The following ORC2 variants were observed in gnomAD, a reference collection of about 807,000 sequenced individuals.
ORC2 encodes origin recognition complex subunit 2.
In ORC2, 37 loss-of-function variants were observed where a neutral mutation model predicts 77.7. The ratio of observed to expected loss-of-function variants is 0.48; its 90% CI spans 0.37 to 0.63. ORC2 has a LOEUF of 0.63. ORC2 is among the 20% of genes least tolerant of loss of function. The pLI is 0.00. For missense variants in ORC2, 557 were observed against 661.9 expected, an observed-to-expected ratio of 0.84 and a Z score of 1.74; for synonymous variants, 201 against 229.5, an observed-to-expected ratio of 0.88 and a Z score of 1.12.
chr2:200,914,130 A>T (rs933003423), intron 15 of ORC2, 138 bp from the exon 16 acceptor site: 1 of 564,706 alleles, frequency 1.8e-6, no homozygotes. Flanking sequence ...GGAATATCAT[A>T]TCCTTGCCTA....
At chr2:200,934,890 G>C (rs1404127032) in intron 9 of ORC2, among the ~76,000 whole-genome samples, 1 of 152,104 alleles carries the variant, frequency 6.6e-6, no homozygotes, top group Non-Finnish European at 1.5e-5. Flanking sequence ...CCTTTAGACA[G>C]AGCACCAGGA....
intron 8 of ORC2, among the ~76,000 whole-genome samples, chr2:200,936,219 C>T (rs746196850): frequency 1.3e-5 from 2 of 152,166 alleles, no homozygotes; most frequent in Non-Finnish European, 2.9e-5. Context: ...GCTAACAGAA[C>T]TCCAATTTTG....
chr2:200,934,494 T>G (rs56063265), intron 9 of ORC2, among the ~76,000 whole-genome samples: 33,656 of 138,750 alleles, frequency 0.24, 4,517 homozygotes, highest in African/African-American at 0.4. Flanking sequence ...TTTTAAATTG[T>G]TTTTTTTTTT....
At chr2:200,926,962 A>G (rs943432153) in intron 11 of ORC2, 62 bp from the exon 12 acceptor site, 7 of 1,495,956 alleles carry the variant, frequency 4.7e-6, no homozygotes, top group Non-Finnish European at 5.6e-6. Context: ...CAATTTTATT[A>G]TCAACCAGTT....
chr2:200,959,770 A>G (rs960416930), intron 1 of ORC2, among the ~76,000 whole-genome samples: 4 of 152,158 alleles, frequency 2.6e-5, no homozygotes, highest in African/African-American at 9.7e-5. Context: ...GTGTATAAAG[A>G]TAATAAATAG....
chr2:200,936,291 C>T (rs1202632758), intron 8 of ORC2, among the ~76,000 whole-genome samples: 2 of 152,182 alleles, frequency 1.3e-5, no homozygotes, highest in Non-Finnish European at 2.9e-5. Flanking sequence ...TTTTCCTCTT[C>T]AAGGTACCTG....
chr2:200,957,588 C>T, intron 3 of ORC2, 44 bp from the exon 4 acceptor site: 1 of 1,367,896 alleles, frequency 7.3e-7, no homozygotes, highest in South Asian at 1.6e-5. Context: ...GGTATAAATT[C>T]TTTCTAAACA....
intron 13 of ORC2, among the ~76,000 whole-genome samples, chr2:200,924,452 TG>T (rs898388326): frequency 3.3e-5 from 5 of 151,942 alleles, no homozygotes; most frequent in Admixed American, 6.6e-5. Flanking sequence ...GGAAACAAAA[TG>T]AAGACAAAAC....
At position 200,942,773 on chromosome 2, in the gene ORC2, T is replaced by C; in HGVS notation, c.333A>G (p.Ser111=). ...KHSEKMAKLA[S]ELAKTPQKSV... is the part of the protein sequence containing the mutation. The stretch of plus-strand genomic sequence containing the variant: ...TTTTTTGTGGTGTTTTTGCTAGTTC[T>C]GAAGCTGTAAACAAAGAAATATATA... The change falls in exon 6 of 18, where the codon TCA becomes TCG. Residue 111 remains serine (S), a synonymous_variant. Transcript: ENST00000234296. 1 of 1,599,596 alleles carries C rather than the reference T, an allele frequency of 6.3e-7. No homozygotes were observed. The highest frequency in any genetic ancestry group is 8.5e-7 in the Non-Finnish European group (1 of 1,169,760).
At chr2:200,941,447 A>G (rs2041150701) in intron 6 of ORC2, among the ~76,000 whole-genome samples, 168 bp from the exon 7 acceptor site, 1 of 150,848 alleles carries the variant, frequency 6.6e-6, no homozygotes, top group Admixed American at 6.6e-5. Context: ...TTCAAGACCA[A>G]CCTGAGCATC....
intron 1 of ORC2, among the ~76,000 whole-genome samples, chr2:200,961,248 G>A (rs997160444): frequency 1.6e-4 from 24 of 151,934 alleles, no homozygotes; most frequent in African/African-American, 5.8e-4. Flanking sequence ...GCAGTGGTGC[G>A]ATCTCAGCTC....
chr2:200,962,496 T>A (rs551168113), intron 1 of ORC2, among the ~76,000 whole-genome samples: 94 of 152,392 alleles, frequency 6.2e-4, no homozygotes, highest in African/African-American at 2.2e-3. Flanking sequence ...CCATACTTTA[T>A]AACTGTGTGA....
intron 15 of ORC2, among the ~76,000 whole-genome samples, chr2:200,919,739 G>C (rs2040724221): frequency 6.6e-6 from 1 of 152,210 alleles, no homozygotes; most frequent in African/African-American, 2.4e-5. Context: ...AGGTTAGGCT[G>C]CTGTAAGGGC....
At chr2:200,938,711 G>T (rs1036620307) in intron 7 of ORC2, among the ~76,000 whole-genome samples, 1 of 152,140 alleles carries the variant, frequency 6.6e-6, no homozygotes, top group Non-Finnish European at 1.5e-5. Flanking sequence ...GTGATAGATT[G>T]CTGGTGTCAT....
chr2:200,926,523 T>C (rs2040840461), intron 12 of ORC2, among the ~76,000 whole-genome samples: 1 of 152,264 alleles, frequency 6.6e-6, no homozygotes, highest in African/African-American at 2.4e-5. Flanking sequence ...GTACCACTGA[T>C]ACTCAGTATA....
At chr2:200,940,913 C>T (rs1265047068) in intron 7 of ORC2, among the ~76,000 whole-genome samples, 1 of 152,114 alleles carries the variant, frequency 6.6e-6, no homozygotes, top group Non-Finnish European at 1.5e-5. Context: ...CCTCTTCCCC[C>T]TGCAAAAGAA....
At chr2:200,950,650 G>A (rs146593390) in intron 4 of ORC2, among the ~76,000 whole-genome samples, 1 of 152,334 alleles carries the variant, frequency 6.6e-6, no homozygotes, top group Non-Finnish European at 1.5e-5. Flanking sequence ...TGCCTTCAAT[G>A]AAGCCAGACA....
chr2:200,948,028 C>A (rs1308483329), intron 5 of ORC2, among the ~76,000 whole-genome samples: 1 of 152,072 alleles, frequency 6.6e-6, no homozygotes, highest in Admixed American at 6.5e-5. Flanking sequence ...CCTGCCTCAA[C>A]CTCCCGAGTA....
chr2:200,950,317 T>C lies in ORC2; in HGVS notation c.239-674A>G, dbSNP rs1225572906. 4.5e-4 allele frequency among the ~76,000 whole-genome samples: 69 copies of C among 151,958 alleles called. 1 individual carries two copies. Among genetic ancestry groups the C allele is most frequent in the Admixed American group, 4.5e-3 (69 of 15,242 alleles). ...CTGCACTCCAGCCTCGGTGATAAAG[T>C]GATAAAGTATCAAAAAAAAAAGCTT... On this transcript the variant is annotated intron_variant, in intron 4 of 17. Coordinates refer to ENST00000234296, the MANE Select transcript of ORC2 (RefSeq NM_006190.5).
Sources: gnomAD v4.1 joint callset for allele counts (sites outside exome capture counted in the v4.1 genomes callset) on GRCh38, gnomAD v4.1.1 for gene constraint, MANE v1.5 for transcripts, NCBI Gene and HGNC (gene_info 2026-07-23, HGNC 2026-07-21) for gene names.